PRCP: variants seen among roughly 807,000 people sequenced by gnomAD.
PRCP encodes the protein prolylcarboxypeptidase, also known as lysosomal Pro-X carboxypeptidase.
PRCP carries 46 observed loss-of-function variants against 54.2 expected under a neutral mutation model. That is an observed-to-expected ratio of 0.85 (90% CI 0.67 to 1.09). PRCP has a LOEUF of 1.09. PRCP is among the 50% of genes least tolerant of loss of function. The pLI is 0.00. For synonymous variants in PRCP, 240 were observed against 212.2 expected (o/e 1.13, Z -1.14); for missense variants, 613 against 596.8 (o/e 1.03, Z -0.28).
chr11:82,875,272 C>T (rs1303426523), intron 1 of PRCP, among the ~76,000 whole-genome samples: 2 of 152,214 alleles, frequency 1.3e-5, no homozygotes, highest in South Asian at 4.1e-4. Context: ...GGCCTTACTA[C>T]ATCAATGACT....
At chr11:82,882,122 C>T (rs1859760224) in intron 1 of PRCP, among the ~76,000 whole-genome samples, 1 of 151,506 alleles carries the variant, frequency 6.6e-6, no homozygotes, top group Non-Finnish European at 1.5e-5. Flanking sequence ...GAAGGCTGAA[C>T]AGGAGGAGGA....
At chr11:82,842,850 A>G (rs993860982) in intron 6 of PRCP, among the ~76,000 whole-genome samples, 3 of 152,192 alleles carry the variant, frequency 2.0e-5, no homozygotes, top group Non-Finnish European at 4.4e-5. Flanking sequence ...TCTAACTCAA[A>G]GATTTTGTGA....
In PRCP at chr11:82,838,423, C is replaced by T. The variant is rs1329055385; in HGVS notation, c.1238G>A (p.Gly413Asp). 2 of 1,611,552 alleles carry T rather than the reference C, an allele frequency of 1.2e-6. No homozygotes were observed. The highest frequency in any genetic ancestry group is 1.7e-6 in the Non-Finnish European group (2 of 1,179,254). The stretch of plus-strand genomic sequence containing the variant: ...GTTTGTGTGTGAACTAATGTTTTTG[C>T]CTCCATACATAGTAGTGATCCAGGA... ...RPSWITTMYGGKNISSHTNIV... is the reference protein window; with the variant it reads ...RPSWITTMYGDKNISSHTNIV... Residue 413 changes from glycine to aspartate, a missense_variant, in exon 8 of 9, where the codon GGC becomes GAC. By Grantham distance (94) the Gly-to-Asp change is moderately conservative. Transcript: ENST00000313010.
At chr11:82,875,923 C>T (rs1251848633) in intron 1 of PRCP, among the ~76,000 whole-genome samples, 1 of 152,180 alleles carries the variant, frequency 6.6e-6, no homozygotes, top group African/African-American at 2.4e-5. Context: ...TGGACATACG[C>T]TTTCTGAAGT....
chr11:82,870,920 G>C (rs976100457), intron 1 of PRCP, among the ~76,000 whole-genome samples: 1 of 152,146 alleles, frequency 6.6e-6, no homozygotes, highest in Non-Finnish European at 1.5e-5. Flanking sequence ...GTCCACCACA[G>C]ACAAATGCTG....
chr11:82,853,079 T>A, intron 3 of PRCP, 98 bp downstream of exon 3: 1 of 815,442 alleles, frequency 1.2e-6, no homozygotes, highest in South Asian at 2.2e-5. Flanking sequence ...TTTTAGGCAT[T>A]TCAAATTTAA....
At chr11:82,870,049 G>C (rs1481178986) in intron 1 of PRCP, among the ~76,000 whole-genome samples, 1 of 152,212 alleles carries the variant, frequency 6.6e-6, no homozygotes, top group Non-Finnish European at 1.5e-5. Flanking sequence ...TTTTACCAAA[G>C]CATATTACCT....
intron 8 of PRCP, chr11:82,827,414 C>T (rs1858263322): frequency 6.6e-6 from 1 of 152,162 alleles, no homozygotes; most frequent in African/African-American, 2.4e-5. Flanking sequence ...AAGCCTTTGA[C>T]CTATTCTGAG....
Position 82,852,003 on chromosome 11 carries a change from T to C in PRCP, c.411+1174A>G, listed in dbSNP as rs1263224281. On this transcript the variant is annotated intron_variant, in intron 3 of 8. Transcript: ENST00000313010. Reference sequence around the variant, plus strand: ...TATCCTTCATGCTACTGACATATTCTGTGAGCACACAAAGGGAAAGAAGTA... The same window carrying C: ...TATCCTTCATGCTACTGACATATTCCGTGAGCACACAAAGGGAAAGAAGTA... Among the ~76,000 whole-genome samples the C allele has an allele frequency of 2.0e-5, 3 of 152,310 alleles. No individual in the cohort carries two copies. In the South Asian group the frequency reaches 6.2e-4, roughly 32 times the overall value.
intron 1 of PRCP, among the ~76,000 whole-genome samples, chr11:82,865,265 G>A (rs1407250507): frequency 1.3e-5 from 2 of 152,044 alleles, no homozygotes; most frequent in East Asian, 3.8e-4. Context: ...ATTATAACAC[G>A]CTCATGCAGA....
At chr11:82,889,373 AC>A (rs1565236271) in intron 1 of PRCP, among the ~76,000 whole-genome samples, 1 of 148,558 alleles carries the variant, frequency 6.7e-6, no homozygotes, top group African/African-American at 2.5e-5. Context: ...CAAAAAAAAA[AC>A]CAACAAAATA....
chr11:82,900,484 T>A (rs1361947170), upstream of PRCP: 1 of 1,495,554 alleles, frequency 6.7e-7, no homozygotes, highest in Non-Finnish European at 9.0e-7. Context: ...CTGCCCAGCC[T>A]GCAGCTCCGC....
At chr11:82,836,556 G>C (rs1858531193) in intron 8 of PRCP, 1 of 152,036 alleles carries the variant, frequency 6.6e-6, no homozygotes, top group African/African-American at 2.4e-5. Context: ...GTTTTTGTTT[G>C]TTTGTTTTTT....
At chr11:82,877,023 G>C (rs1477902034) in intron 1 of PRCP, among the ~76,000 whole-genome samples, 1 of 152,192 alleles carries the variant, frequency 6.6e-6, no homozygotes, top group East Asian at 1.9e-4. Flanking sequence ...CCAGGCTGAG[G>C]TGGTCTCAGA....
At chr11:82,868,788 G>A (rs879722996) in intron 1 of PRCP, among the ~76,000 whole-genome samples, 8 of 152,120 alleles carry the variant, frequency 5.3e-5, no homozygotes, top group South Asian at 2.1e-4. Context: ...TAATCCCAGC[G>A]CTTTGGGAGG....
intron 2 of PRCP, among the ~76,000 whole-genome samples, chr11:82,855,109 A>T (rs1591051910): frequency 6.6e-6 from 1 of 152,238 alleles, no homozygotes; most frequent in East Asian, 1.9e-4. Context: ...ACCATTCTGG[A>T]CATCAGCCTT....
intron 1 of PRCP, among the ~76,000 whole-genome samples, chr11:82,883,258 C>G (rs1278028115): frequency 6.6e-6 from 1 of 152,260 alleles, no homozygotes; most frequent in South Asian, 2.1e-4. Flanking sequence ...AGTTACCCAG[C>G]CCATGGCAGG....
chr11:82,873,634 A>C (rs1859531371), intron 1 of PRCP, among the ~76,000 whole-genome samples: 1 of 152,248 alleles, frequency 6.6e-6, no homozygotes, highest in African/African-American at 2.4e-5. Context: ...TGAATTAATA[A>C]ACTACATGTT....
At position 82,824,774 on chromosome 11, in the gene PRCP, AT is replaced by A; in HGVS notation, c.*131del. Reference sequence around the variant, plus strand: ...CTTGCTCTTACCGTCATCACCCTCTATTCTATCTCAACTTTGGCCCCATCAA... The same window carrying A: ...CTTGCTCTTACCGTCATCACCCTCTATCTATCTCAACTTTGGCCCCATCAA... On this transcript the variant is annotated 3_prime_UTR_variant, in exon 9 of 9. Coordinates refer to ENST00000313010, the MANE Select transcript of PRCP (RefSeq NM_005040.4). 1.1e-6 allele frequency: 1 copy of A among 900,056 alleles called. No homozygotes were observed. Among genetic ancestry groups the A allele is most frequent in the East Asian group, 2.7e-5 (1 of 37,444 alleles). The allele number at this position is 900,056 out of a possible 1,614,324, so 55.8% of individuals were successfully genotyped here. A position where few individuals can be genotyped will look rare whatever the true frequency, so the allele number is the denominator to read the frequency against.
Sources: allele counts gnomAD v4.1 joint callset (sites outside exome capture counted in the v4.1 genomes callset), GRCh38; gene constraint gnomAD v4.1.1; transcripts MANE v1.5; gene names NCBI Gene and HGNC (gene_info 2026-07-23, HGNC 2026-07-21).